PRR16: variants seen among roughly 807,000 people sequenced by gnomAD.
PRR16 encodes the protein proline rich 16.
PRR16 carries 6 observed loss-of-function variants against 18.2 expected under a neutral mutation model. The observed-to-expected ratio is 0.33, with a 90% CI of 0.18 to 0.65. The LOEUF (loss-of-function observed/expected upper bound fraction) is 0.65, where lower values mean the gene tolerates loss of function less well. Ranked by LOEUF, PRR16 falls within the 30% of genes least tolerant of loss-of-function variation. The pLI is 0.74. For missense variants in PRR16, 412 were observed against 376.6 expected (o/e 1.09, Z -0.78); for synonymous variants, 151 against 147.8 (o/e 1.02, Z -0.16).
At chr5:120,475,569 T>C (rs757815937) in intron 1 of PRR16, among the ~76,000 whole-genome samples, 3 of 151,992 alleles carry the variant, frequency 2.0e-5, no homozygotes, top group Non-Finnish European at 4.4e-5. Context: ...AAGACCCTGT[T>C]TCTATAAGAA....
chr5:120,784,952 C>T, the PRR16 span, among the ~76,000 whole-genome samples: 1 of 152,110 alleles, frequency 6.6e-6, no homozygotes, highest in Non-Finnish European at 1.5e-5. Context: ...GTTGCAGGTG[C>T]TACACAGGCT....
chr5:120,502,079 A>G (rs1467771064), intron 1 of PRR16, among the ~76,000 whole-genome samples: 1 of 151,430 alleles, frequency 6.6e-6, no homozygotes, highest in Non-Finnish European at 1.5e-5. Flanking sequence ...AATTGGAACA[A>G]CAGTTCTGGA....
At chr5:120,684,835 A>G (rs547073877) in intron 1 of PRR16, among the ~76,000 whole-genome samples, 2 of 152,262 alleles carry the variant, frequency 1.3e-5, no homozygotes, top group African/African-American at 2.4e-5. Flanking sequence ...CTTCCATTCA[A>G]TGTTCCTATC....
At chr5:120,618,815 C>A (rs13173880) in intron 1 of PRR16, among the ~76,000 whole-genome samples, 1 of 151,452 alleles carries the variant, frequency 6.6e-6, no homozygotes, top group African/African-American at 2.4e-5. Context: ...ATATTAACTT[C>A]CCAATTAGCA....
At position 120,488,195 on chromosome 5, in the gene PRR16, G is replaced by A. The variant is rs181938656; in HGVS notation, c.159+23550G>A. On this transcript the variant is annotated intron_variant, in intron 1 of 1. Coordinates refer to ENST00000407149, the MANE Select transcript of PRR16 (RefSeq NM_001300783.2). Reference sequence around the variant, plus strand: ...GTTAGGGAGGTTTCCCTCTTTTTCTGTTGATTGGAATAGTTTCAGAAGGAA... The same window carrying A: ...GTTAGGGAGGTTTCCCTCTTTTTCTATTGATTGGAATAGTTTCAGAAGGAA... Among the ~76,000 whole-genome samples the A allele has an allele frequency of 1.1e-4, 17 of 152,156 alleles. No homozygotes were observed. In the South Asian group the frequency reaches 1.9e-3, roughly 17 times the overall value.
the PRR16 span, among the ~76,000 whole-genome samples, chr5:120,754,578 T>TTTA: frequency 0.67 from 70,813 of 106,354 alleles, 24,492 homozygotes; most frequent in East Asian, 0.86. Flanking sequence ...ATATTTATAT[T>TTTA]TTATATATTA....
In PRR16 at chr5:120,579,343, TGGTA is replaced by T. The variant is rs1753186613; in HGVS notation, c.160-106610_160-106607del. On this transcript the variant is annotated intron_variant, in intron 1 of 1. Transcript: ENST00000407149. Reference sequence around the variant, plus strand: ...TCTTTGCCCATGCCTATGTCCTAAATGGTATTGCCTAGGTTTTCTTCTAGGGTTT... The same window carrying T: ...TCTTTGCCCATGCCTATGTCCTAAATTTGCCTAGGTTTTCTTCTAGGGTTT... Among the ~76,000 whole-genome samples, 4 of 152,286 alleles carry T rather than the reference TGGTA, an allele frequency of 2.6e-5. No individual in the cohort carries two copies. The South Asian group carries it at 8.3e-4, about 32-fold the overall frequency.
chr5:120,776,194 A>AT, the PRR16 span, among the ~76,000 whole-genome samples: 2 of 152,004 alleles, frequency 1.3e-5, no homozygotes, highest in Non-Finnish European at 2.9e-5. Context: ...TGCCTCAGTG[A>AT]TTTTCCCTCC....
intron 1 of PRR16, among the ~76,000 whole-genome samples, chr5:120,543,874 T>C (rs1376625358): frequency 2.0e-5 from 3 of 152,320 alleles, no homozygotes; most frequent in Middle Eastern, 3.4e-3. Context: ...CCTCTTTGAG[T>C]CTCAGTTGCC....
chr5:120,632,694 T>TA (rs1383347485), intron 1 of PRR16, among the ~76,000 whole-genome samples: 1 of 152,060 alleles, frequency 6.6e-6, no homozygotes, highest in African/African-American at 2.4e-5. Context: ...AATAGAATTT[T>TA]AAAAAGATGA....
At chr5:120,630,879 A>G (rs972787795) in intron 1 of PRR16, among the ~76,000 whole-genome samples, 8 of 152,164 alleles carry the variant, frequency 5.3e-5, no homozygotes, top group Non-Finnish European at 1.0e-4. Flanking sequence ...AAGTAAATCT[A>G]GATACGCATT....
intron 1 of PRR16, among the ~76,000 whole-genome samples, chr5:120,544,424 T>C (rs891575501): frequency 6.6e-6 from 1 of 152,182 alleles, no homozygotes; most frequent in East Asian, 1.9e-4. Context: ...TCTATTTCAG[T>C]AGACTTCAAA....
At chr5:120,675,370 C>T (rs1305218368) in intron 1 of PRR16, among the ~76,000 whole-genome samples, 1 of 152,112 alleles carries the variant, frequency 6.6e-6, no homozygotes, top group East Asian at 1.9e-4. Context: ...TGTTGCCAAT[C>T]GTGTTGTATG....
chr5:120,587,871 T>C (rs1211728817), intron 1 of PRR16, among the ~76,000 whole-genome samples: 4 of 152,232 alleles, frequency 2.6e-5, no homozygotes, highest in East Asian at 3.8e-4. Context: ...ATTCTTCTGA[T>C]GGATATGGGA....
At chr5:120,472,003 G>A (rs189507877) in intron 1 of PRR16, among the ~76,000 whole-genome samples, 1 of 152,244 alleles carries the variant, frequency 6.6e-6, no homozygotes, top group African/African-American at 2.4e-5. Flanking sequence ...TTTCAGGCAA[G>A]AAATATTAAC....
chr5:120,774,865 C>T, the PRR16 span, among the ~76,000 whole-genome samples: 1 of 152,172 alleles, frequency 6.6e-6, no homozygotes, highest in South Asian at 2.1e-4. Context: ...TATAAGAGAG[C>T]AGGTCTATAG....
At chr5:120,745,459 A>G in the PRR16 span, among the ~76,000 whole-genome samples, 113 of 152,154 alleles carry the variant, frequency 7.4e-4, no homozygotes, top group African/African-American at 2.5e-3. Context: ...AGATTTTTTC[A>G]GGATGTCTTA....
intron 1 of PRR16, among the ~76,000 whole-genome samples, chr5:120,630,831 C>T (rs780465797): frequency 9.2e-5 from 14 of 152,150 alleles, no homozygotes; most frequent in Non-Finnish European, 1.9e-4. Context: ...TTGGTTTGCA[C>T]TATCGTTCCT....
At chr5:120,777,762 C>T in the PRR16 span, among the ~76,000 whole-genome samples, 11 of 152,014 alleles carry the variant, frequency 7.2e-5, no homozygotes, top group East Asian at 1.5e-3. Context: ...TATACAGAAG[C>T]GCACTGAATA....
Sources: allele counts gnomAD v4.1 joint callset (sites outside exome capture counted in the v4.1 genomes callset), GRCh38; gene constraint gnomAD v4.1.1; transcripts MANE v1.5; gene names NCBI Gene and HGNC (gene_info 2026-07-23, HGNC 2026-07-21).